Variants in UHRF1 observed in about 807,000 individuals in gnomAD.
UHRF1 encodes the protein E3 ubiquitin-protein ligase UHRF1.
Under a neutral mutation model 96.5 loss-of-function variants are expected in UHRF1, and 9 were observed. The ratio of observed to expected loss-of-function variants is 0.09; its 90% CI spans 0.06 to 0.16. The LOEUF is 0.16. UHRF1 is among the 10% of genes least tolerant of loss of function. The pLI, the probability that UHRF1 is intolerant of heterozygous loss-of-function variation, is 1.00. For missense variants in UHRF1, 626 were observed against 1,131.1 expected (o/e 0.55, Z 6.40); for synonymous variants, 455 against 469.9 (o/e 0.97, Z 0.41).
chr19:4,933,635 C>T lies in UHRF1; in HGVS notation c.785+679C>T, dbSNP rs192362944. Among the ~76,000 whole-genome samples, 69 of 152,314 alleles carry T rather than the reference C, an allele frequency of 4.5e-4. 1 individual carries two copies. The highest frequency in any genetic ancestry group is 4.4e-3 in the Admixed American group (68 of 15,294). ...GTTCTCCCTCCTCTGCCTGGTCACC[C>T]AGTTCCCCTTTTTGGCGACATCACT... On this transcript the variant is annotated intron_variant, in intron 5 of 16. Coordinates refer to ENST00000650932, the MANE Select transcript of UHRF1 (RefSeq NM_001048201.3).
At chr19:4,914,232 A>G (rs1190593751) in intron 2 of UHRF1, among the ~76,000 whole-genome samples, 12 of 152,136 alleles carry the variant, frequency 7.9e-5, no homozygotes. Context: ...AGCTGGCAGC[A>G]GGGAGGTTTG....
intron 16 of UHRF1, among the ~76,000 whole-genome samples, chr19:4,957,571 GT>G (rs1464797792): frequency 6.6e-6 from 1 of 152,118 alleles, no homozygotes; most frequent in Non-Finnish European, 1.5e-5. Flanking sequence ...GCCTCCCAAA[GT>G]GCTGGGATTA....
At chr19:4,935,697 C>T (rs879878237) in intron 5 of UHRF1, among the ~76,000 whole-genome samples, 9 of 152,058 alleles carry the variant, frequency 5.9e-5, no homozygotes, top group South Asian at 2.1e-4. Flanking sequence ...TATAGAGCAT[C>T]GTGTGATGTG....
chr19:4,929,114 C>CA, intron 2 of UHRF1, 108 bp from the exon 3 acceptor site: 1 of 1,324,498 alleles, frequency 7.6e-7, no homozygotes, highest in Non-Finnish European at 9.9e-7. Flanking sequence ...TGCAGATTGC[C>CA]CCCCCCCCAC....
chr19:4,944,039 G>A (rs2033489069), intron 7 of UHRF1, 93 bp from the exon 8 acceptor site: 3 of 1,553,800 alleles, frequency 1.9e-6, no homozygotes, highest in Admixed American at 1.9e-5. Flanking sequence ...GCCAGGCGGG[G>A]AGAGCCATGT....
intron 3 of UHRF1, 96 bp downstream of exon 3, chr19:4,929,572 G>A (rs556384631): frequency 3.1e-5 from 46 of 1,495,952 alleles, no homozygotes; most frequent in South Asian, 1.3e-4. Context: ...CTTCCCACGC[G>A]CCTCTCTAGC....
intron 1 of UHRF1, 86 bp from the exon 2 acceptor site, chr19:4,910,790 C>T: frequency 2.0e-6 from 3 of 1,464,740 alleles, no homozygotes; most frequent in South Asian, 3.0e-5. Context: ...ACAGGCCGGA[C>T]AAAAGCAACC....
intron 2 of UHRF1, among the ~76,000 whole-genome samples, chr19:4,911,358 G>C (rs538597807): frequency 3.3e-5 from 5 of 152,282 alleles, no homozygotes; most frequent in South Asian, 2.1e-4. Context: ...CCGATGGAAG[G>C]CTGAGGAATT....
At position 4,936,224 on chromosome 19, in the gene UHRF1, T is replaced by C. The variant is rs370244259; in HGVS notation, c.785+3268T>C. Among the ~76,000 whole-genome samples the C allele has an allele frequency of 6.7e-4, 102 of 152,152 alleles. 1 individual carries two copies. The South Asian group carries it at 0.02, about 30-fold the overall frequency. On this transcript the variant is annotated intron_variant, in intron 5 of 16. Coordinates refer to ENST00000650932, the MANE Select transcript of UHRF1 (RefSeq NM_001048201.3). ...AGTGAGAGGGTCACGCTGAGCCGAG[T>C]TGTGCCTCGCAATGAGTTTGTGATG...
rs574364112 is a variant in UHRF1, at chr19:4,932,802, A to G, written c.631A>G (p.Ile211Val). The change falls in exon 5 of 17, where the codon ATC (isoleucine) becomes GTC (valine). Residue 211 changes from isoleucine to valine, a missense_variant. This residue lies in a region of UHRF1 where 198 missense variants were observed against 235.1 expected (regional missense o/e 0.84). Transcript: ENST00000650932. ...SRDVRARART[I>V]IKWQDLEVGQ... ...GGACGTCCGAGCGCGCGCCCGCACC[A>G]TCATCAAGTGGCAGGACCTGGAGGT... The G allele has an allele frequency of 1.5e-5, 25 of 1,613,902 alleles. No homozygotes were observed. In the African/African-American group the frequency reaches 2.9e-4, roughly 19 times the overall value.
chr19:4,934,895 G>A (rs2033172341), intron 5 of UHRF1, among the ~76,000 whole-genome samples: 1 of 152,092 alleles, frequency 6.6e-6, no homozygotes, highest in Admixed American at 6.6e-5. Context: ...TTTATTCTCT[G>A]CTAGGCGCAT....
At chr19:4,956,625 A>G in intron 15 of UHRF1, 84 bp from the exon 16 acceptor site, 1 of 822,790 alleles carries the variant, frequency 1.2e-6, no homozygotes, top group Non-Finnish European at 2.1e-6. Context: ...TAGAGGACCC[A>G]GGTACATGCT....
chr19:4,938,474 A>G (rs1296840509), intron 5 of UHRF1, among the ~76,000 whole-genome samples: 1 of 149,514 alleles, frequency 6.7e-6, no homozygotes, highest in African/African-American at 2.5e-5. Context: ...AGGATCTTAG[A>G]CCTTTCCCTC....
chr19:4,906,896 C>G (rs1415860990), upstream of UHRF1, among the ~76,000 whole-genome samples: 1 of 152,230 alleles, frequency 6.6e-6, no homozygotes, highest in Admixed American at 6.5e-5. Context: ...TTTGGAAGAG[C>G]TCAAGCCGTC....
rs141404328 is a variant in UHRF1 at position 4,941,561 on chromosome 19, C to T, written c.819C>T (p.Phe273=). 0.012 allele frequency: 20,144 copies of T among 1,613,638 alleles called. 178 individuals carry two copies. The highest frequency in any genetic ancestry group is 0.016 in the Non-Finnish European group (18,538 of 1,179,712). The change falls in exon 6 of 17, where the codon TTC becomes TTT. Residue 273 remains phenylalanine, a synonymous_variant. Coordinates refer to ENST00000650932, the MANE Select transcript of UHRF1 (RefSeq NM_001048201.3). ...DDSLNDCRII[F]VDEVFKIERP... ...CTCTGAACGACTGTCGGATCATCTT[C>T]GTGGACGAAGTCTTCAAGATTGAGC...
At position 4,941,752 on chromosome 19, in the gene UHRF1, C is replaced by A; in HGVS notation, c.894C>A (p.Ser298Arg). 1 of 1,544,518 alleles carries A rather than the reference C, an allele frequency of 6.5e-7. No homozygotes were observed. The highest frequency in any genetic ancestry group is 8.7e-7 in the Non-Finnish European group (1 of 1,144,136). ...PMVDNPMRRK[S>R]GPSCKHCKDD... ...CTGCCGCCCCGTGCCCAGGGAAGAG[C>A]GGGCCGTCCTGCAAGCACTGCAAGG... Residue 298 changes from serine (S) to arginine (R), a missense_variant, in exon 7 of 17, where the codon AGC becomes AGA. Around this residue, in one of 11 missense-constraint regions of UHRF1, gnomAD observed 198 missense variants for 235.1 expected, o/e 0.84. Transcript: ENST00000650932.
At chr19:4,905,760 G>T (rs574399368), upstream of UHRF1, among the ~76,000 whole-genome samples, 3 of 151,996 alleles carry the variant, frequency 2.0e-5, no homozygotes, top group South Asian at 6.2e-4. Context: ...TCAGTGATCC[G>T]CCTGCCTTGG....
chr19:4,914,310 C>G (rs2032406932), intron 2 of UHRF1, among the ~76,000 whole-genome samples: 1 of 152,036 alleles, frequency 6.6e-6, no homozygotes, highest in Non-Finnish European at 1.5e-5. Context: ...CTGCAGGCAC[C>G]CAGGCTAACG....
chr19:4,950,342 C>G (rs2145201235), intron 11 of UHRF1, among the ~76,000 whole-genome samples: 1 of 151,840 alleles, frequency 6.6e-6, no homozygotes, highest in Admixed American at 6.6e-5. Flanking sequence ...CTCCCAGACT[C>G]AAGCGATTCT....
Sources: gnomAD v4.1 joint callset for allele counts (sites outside exome capture counted in the v4.1 genomes callset) on GRCh38, gnomAD v4.1.1 for gene constraint, gnomAD v4.1.1 regional missense constraint, MANE v1.5 for transcripts, NCBI Gene and HGNC (gene_info 2026-07-23, HGNC 2026-07-21) for gene names.